Variants in DCAF6 observed in about 807,000 individuals in gnomAD.
The protein encoded by DCAF6 is DDB1- and CUL4-associated factor 6.
In DCAF6, 54 loss-of-function variants were observed where a neutral mutation model predicts 125.1. The observed-to-expected ratio is 0.43, with a 90% confidence interval of 0.35 to 0.54. DCAF6 has a LOEUF of 0.54. Ranked by LOEUF, DCAF6 falls within the 20% of genes least tolerant of loss-of-function variation. The probability of loss-of-function intolerance (pLI) is 0.01; values close to 1 mark genes in which losing one functional copy is unlikely to be tolerated. For synonymous variants in DCAF6, 371 were observed against 390.4 expected (o/e 0.95, Z 0.58); for missense variants, 934 against 1,161.7 (o/e 0.80, Z 2.85).
intron 3 of DCAF6, among the ~76,000 whole-genome samples, chr1:167,971,379 A>G (rs764313970): frequency 6.6e-6 from 1 of 152,208 alleles, no homozygotes; most frequent in Non-Finnish European, 1.5e-5. Flanking sequence ...AACACTTAAC[A>G]TTATTTATTT....
At chr1:167,976,886 G>GTTTTTTTTTTTTTTTTTTTTTT (rs397981860) in intron 4 of DCAF6, among the ~76,000 whole-genome samples, 1 of 38,062 alleles carries the variant, frequency 2.6e-5, no homozygotes, top group Non-Finnish European at 5.2e-5. Context: ...TCCTTTAGCA[G>GTTTTTTTTTTTTTTTTTTTTTT]TTTTTTTTTT....
chr1:168,072,198 G>C (rs927507782), intron 21 of DCAF6, among the ~76,000 whole-genome samples: 1 of 149,304 alleles, frequency 6.7e-6, no homozygotes, highest in Non-Finnish European at 1.5e-5. Context: ...TTGGGAGGCT[G>C]AGGCAGGAGA....
At chr1:167,937,964 T>C (rs888185636) in intron 1 of DCAF6, among the ~76,000 whole-genome samples, 3 of 152,228 alleles carry the variant, frequency 2.0e-5, no homozygotes, top group African/African-American at 7.2e-5. Flanking sequence ...TCATTTGTTT[T>C]TGATTTCAAG....
the DCAF6 span, among the ~76,000 whole-genome samples, chr1:167,888,276 T>C: frequency 6.6e-6 from 1 of 152,214 alleles, no homozygotes; most frequent in Non-Finnish European, 1.5e-5. Context: ...TGTGGTTCCA[T>C]GTAAATTTTA....
intron 12 of DCAF6, among the ~76,000 whole-genome samples, chr1:168,036,981 G>A (rs1253984123): frequency 6.6e-6 from 1 of 152,062 alleles, no homozygotes; most frequent in Non-Finnish European, 1.5e-5. Context: ...TTGATACTAA[G>A]TTTTGTTATC....
At chr1:168,067,195 A>G (rs1692447793) in intron 20 of DCAF6, among the ~76,000 whole-genome samples, 1 of 152,218 alleles carries the variant, frequency 6.6e-6, no homozygotes, top group South Asian at 2.1e-4. Context: ...ACTAACACTG[A>G]CTGTTCGTAG....
intron 4 of DCAF6, among the ~76,000 whole-genome samples, chr1:167,986,435 G>A (rs114087018): frequency 0.019 from 2,833 of 152,192 alleles, 78 homozygotes; most frequent in African/African-American, 0.065. Flanking sequence ...ATATTTCCTC[G>A]ATGGCTGAGT....
rs1469708326 is a variant in DCAF6, at chr1:167,936,829, T to TCGGGTGTTGAAA, written c.-75_-64dup. ...GGCGCGCGGATGGTGCCGGTGCGGC[T>TCGGGTGTTGAAA]CGGGTGTTGAAACGGGTGTCCCCTC... is the stretch of plus-strand genomic sequence containing the variant. On this transcript the variant is annotated 5_prime_UTR_variant, in exon 1 of 22. Coordinates refer to ENST00000367840, the MANE Select transcript of DCAF6 (RefSeq NM_001198956.2). 7.2e-6 allele frequency: 9 copies of TCGGGTGTTGAAA among 1,254,750 alleles called. No homozygotes were observed. Among genetic ancestry groups the TCGGGTGTTGAAA allele is most frequent in the African/African-American group, 3.0e-5 (2 of 66,542 alleles). 77.7% of individuals were successfully genotyped at this position (1,254,750 alleles called of 1,614,324 possible). A position where few individuals can be genotyped will look rare whatever the true frequency, so the allele number is the denominator to read the frequency against.
At chr1:167,970,048 G>C (rs972482562) in intron 3 of DCAF6, among the ~76,000 whole-genome samples, 1 of 152,192 alleles carries the variant, frequency 6.6e-6, no homozygotes, top group African/African-American at 2.4e-5. Flanking sequence ...AAGTGCTGGG[G>C]ATTACAGGCG....
chr1:167,978,769 G>A (rs955143143), intron 4 of DCAF6, among the ~76,000 whole-genome samples: 5 of 151,908 alleles, frequency 3.3e-5, no homozygotes, highest in African/African-American at 7.3e-5. Context: ...TCAAGGAATC[G>A]TCTTGCCTCC....
At chr1:167,967,666 A>G (rs762654037) in intron 3 of DCAF6, among the ~76,000 whole-genome samples, 7 of 149,206 alleles carry the variant, frequency 4.7e-5, no homozygotes, top group African/African-American at 7.4e-5. Flanking sequence ...CTGCCTCCCA[A>G]CTCACATGAT....
In DCAF6 at chr1:168,006,363, A is replaced by G. The variant is rs371614334; in HGVS notation, c.1378+1570A>G. On this transcript the variant is annotated intron_variant, in intron 10 of 21. Coordinates refer to ENST00000367840, the MANE Select transcript of DCAF6 (RefSeq NM_001198956.2). ...TACTCATAAATTATTTATAGGAAGTAAGGAAATATTTTTAACTGGGAGATT... is the reference window on the plus strand; with the variant it reads ...TACTCATAAATTATTTATAGGAAGTGAGGAAATATTTTTAACTGGGAGATT... Among the ~76,000 whole-genome samples, 22 of 152,342 alleles carry G rather than the reference A, an allele frequency of 1.4e-4. No homozygotes were observed. In the South Asian group the frequency reaches 4.6e-3, roughly 32 times the overall value.
intron 7 of DCAF6, among the ~76,000 whole-genome samples, chr1:167,995,598 T>C (rs1053738962): frequency 2.6e-5 from 4 of 151,108 alleles, no homozygotes; most frequent in African/African-American, 9.8e-5. Context: ...GAGAATTGCT[T>C]GAACCCAAGA....
intron 17 of DCAF6, among the ~76,000 whole-genome samples, chr1:168,052,934 T>C (rs1313982133): frequency 6.6e-6 from 1 of 152,186 alleles, no homozygotes; most frequent in African/African-American, 2.4e-5. Flanking sequence ...ATAGGGCACT[T>C]CATATTATAG....
At chr1:168,000,285 C>T (rs1352089622) in intron 7 of DCAF6, among the ~76,000 whole-genome samples, 1 of 151,944 alleles carries the variant, frequency 6.6e-6, no homozygotes, top group Non-Finnish European at 1.5e-5. Flanking sequence ...TCACAGATCA[C>T]CATAATAGGT....
Position 168,038,356 on chromosome 1 carries a change from A to T in DCAF6, c.1610-15A>T. 6.3e-7 allele frequency: 1 copy of T among 1,581,912 alleles called. No individual in the cohort carries two copies. The highest frequency in any genetic ancestry group is 8.6e-7 in the Non-Finnish European group (1 of 1,159,278). The stretch of plus-strand genomic sequence containing the variant: ...TTTCAGAGACTTTTTCAAATGTTTT[A>T]AACACAATTTTCAGATAACAATAAT... On this transcript the variant is annotated splice_polypyrimidine_tract_variant and intron_variant, in intron 12 of 21. Transcript: ENST00000367840.
chr1:167,898,087 A>G, the DCAF6 span, among the ~76,000 whole-genome samples: 4 of 150,716 alleles, frequency 2.7e-5, no homozygotes, highest in Admixed American at 6.6e-5. Context: ...AGTGGACCAC[A>G]GTGGGAAAAC....
chr1:168,040,103 G>A (rs1390328484), intron 13 of DCAF6, among the ~76,000 whole-genome samples: 2 of 152,008 alleles, frequency 1.3e-5, no homozygotes, highest in East Asian at 1.9e-4. Context: ...GGAAACCTAG[G>A]CATCATTGAG....
At chr1:167,905,990 AG>A in the DCAF6 span, among the ~76,000 whole-genome samples, 869 of 152,326 alleles carry the variant, frequency 5.7e-3, 18 homozygotes, top group East Asian at 0.039. Context: ...TTACTGGAAT[AG>A]GTTATACAGA....
Sources: allele counts gnomAD v4.1 joint callset (sites outside exome capture counted in the v4.1 genomes callset), GRCh38; gene constraint gnomAD v4.1.1; transcripts MANE v1.5; gene names NCBI Gene and HGNC (gene_info 2026-07-23, HGNC 2026-07-21).